Variants in PRKD1 observed in about 807,000 individuals in gnomAD.
PRKD1 encodes the protein serine/threonine-protein kinase D1.
A neutral mutation model predicts 95.9 loss-of-function variants in PRKD1; 63 were observed. That is an observed-to-expected ratio of 0.66 (90% CI 0.54 to 0.81). PRKD1 has a LOEUF of 0.81. Among genes scored for constraint, PRKD1 ranks in the 30% least tolerant of loss-of-function variants. PRKD1 has a pLI of 0.00. For synonymous variants in PRKD1, 425 were observed against 423.1 expected, an observed-to-expected ratio of 1.00 and a Z score of -0.05; for missense variants, 1,048 against 1,165.3, an observed-to-expected ratio of 0.90 and a Z score of 1.47.
chr14:29,748,440 G>C (rs1298230735), intron 1 of PRKD1, among the ~76,000 whole-genome samples: 1 of 152,162 alleles, frequency 6.6e-6, no homozygotes, highest in Non-Finnish European at 1.5e-5. Flanking sequence ...TTCCACGACT[G>C]AAACAACAGT....
intron 1 of PRKD1, among the ~76,000 whole-genome samples, chr14:29,784,484 G>A (rs1889182134): frequency 6.6e-6 from 1 of 152,154 alleles, no homozygotes; most frequent in African/African-American, 2.4e-5. Flanking sequence ...GCTTCATGTA[G>A]TATGGTCATT....
rs947957445 is a variant in PRKD1 at position 29,658,770 on chromosome 14, T to G, written c.696+4929A>C. Among the ~76,000 whole-genome samples, 5 of 152,324 alleles carry G rather than the reference T, an allele frequency of 3.3e-5. No homozygotes were observed. In the East Asian group the frequency reaches 9.6e-4, roughly 29 times the overall value. On this transcript the variant is annotated intron_variant, in intron 4 of 17. Transcript: ENST00000331968. ...CAATGTTTATTATGCAAATGAATAC[T>G]AGTATCCCAGAATGATGTGGCATAT...
At chr14:29,631,663 C>G (rs182189549) in intron 9 of PRKD1, among the ~76,000 whole-genome samples, 5 of 152,040 alleles carry the variant, frequency 3.3e-5, no homozygotes, top group East Asian at 1.9e-4. Flanking sequence ...CTACACCTGG[C>G]TAATTTTTGT....
intron 1 of PRKD1, among the ~76,000 whole-genome samples, chr14:29,834,887 T>A (rs1891551703): frequency 6.6e-6 from 1 of 152,170 alleles, no homozygotes; most frequent in South Asian, 2.1e-4. Flanking sequence ...GGAGCTAATA[T>A]TCTCATTTAC....
Position 29,685,270 on chromosome 14 carries a change from C to T in PRKD1, c.404-19062G>A, listed in dbSNP as rs368596060. Among the ~76,000 whole-genome samples the T allele has an allele frequency of 3.3e-4, 51 of 152,268 alleles. 1 individual carries two copies. In the South Asian group the frequency reaches 9.9e-3, roughly 30 times the overall value. ...GTATGTCTTTCCCCTGCATTGAGTGCTTGTTTTCAGCTTGATTAAGTATGC... is the reference window on the plus strand; with the variant it reads ...GTATGTCTTTCCCCTGCATTGAGTGTTTGTTTTCAGCTTGATTAAGTATGC... On this transcript the variant is annotated intron_variant, in intron 2 of 17. Transcript: ENST00000331968.
intron 2 of PRKD1, among the ~76,000 whole-genome samples, chr14:29,705,770 C>T (rs1043979782): frequency 6.6e-6 from 1 of 152,040 alleles, no homozygotes; most frequent in Admixed American, 6.6e-5. Flanking sequence ...TAATGTTTTG[C>T]AGGTTCATCC....
At chr14:29,607,498 G>T (rs965485180) in intron 13 of PRKD1, among the ~76,000 whole-genome samples, 2 of 152,190 alleles carry the variant, frequency 1.3e-5, no homozygotes, top group African/African-American at 2.4e-5. Flanking sequence ...GTTGTTGACA[G>T]AATCCAGTTA....
At chr14:29,895,536 T>G (rs1009177277) in intron 1 of PRKD1, among the ~76,000 whole-genome samples, 1 of 151,928 alleles carries the variant, frequency 6.6e-6, no homozygotes, top group Non-Finnish European at 1.5e-5. Flanking sequence ...GTTTCATCAC[T>G]CCTCTCAAAA....
At chr14:29,678,239 A>G (rs1883342829) in intron 2 of PRKD1, among the ~76,000 whole-genome samples, 1 of 152,160 alleles carries the variant, frequency 6.6e-6, no homozygotes, top group South Asian at 2.1e-4. Flanking sequence ...TATCCCTGGA[A>G]TTTATGTACA....
At chr14:29,879,408 G>A (rs1050835848) in intron 1 of PRKD1, among the ~76,000 whole-genome samples, 4 of 152,072 alleles carry the variant, frequency 2.6e-5, no homozygotes, top group East Asian at 1.9e-4. Flanking sequence ...CTTCTTCCTC[G>A]TTTTCTCTTG....
At chr14:29,770,769 C>A (rs1405118432) in intron 1 of PRKD1, among the ~76,000 whole-genome samples, 1 of 151,896 alleles carries the variant, frequency 6.6e-6, no homozygotes, top group Non-Finnish European at 1.5e-5. Flanking sequence ...GAGTTTAAGA[C>A]CACCCTGCAC....
intron 2 of PRKD1, among the ~76,000 whole-genome samples, chr14:29,675,844 C>T (rs947548648): frequency 1.3e-5 from 2 of 151,914 alleles, no homozygotes; most frequent in African/African-American, 4.8e-5. Context: ...ATGGATGAAG[C>T]TGGAAACCAT....
intron 13 of PRKD1, among the ~76,000 whole-genome samples, chr14:29,610,857 G>T (rs1225281766): frequency 1.3e-5 from 2 of 152,114 alleles, no homozygotes; most frequent in Non-Finnish European, 2.9e-5. Context: ...AAAAAACTTG[G>T]GGGAAACTTA....
intron 13 of PRKD1, among the ~76,000 whole-genome samples, chr14:29,600,650 T>C (rs1893483325): frequency 6.6e-6 from 1 of 152,152 alleles, no homozygotes; most frequent in South Asian, 2.1e-4. Flanking sequence ...TAAGTATGCG[T>C]GGATTTTGAT....
At position 29,867,437 on chromosome 14, in the gene PRKD1, A is replaced by T. The variant is rs1192504448; in HGVS notation, c.264+59812T>A. Among the ~76,000 whole-genome samples the T allele has an allele frequency of 3.9e-5, 6 of 152,218 alleles. No individual in the cohort carries two copies. The East Asian group carries it at 1.2e-3, about 29-fold the overall frequency. Reference sequence around the variant, plus strand: ...CAAAAGCTCACCGTGCAAAGGCTCAACTGAGAAAGATCCTGGCCTCATCTG... The same window carrying T: ...CAAAAGCTCACCGTGCAAAGGCTCATCTGAGAAAGATCCTGGCCTCATCTG... On this transcript the variant is annotated intron_variant, in intron 1 of 17. Transcript: ENST00000331968.
intron 1 of PRKD1, among the ~76,000 whole-genome samples, chr14:29,886,847 C>A (rs766443975): frequency 2.6e-5 from 4 of 152,208 alleles, no homozygotes; most frequent in Non-Finnish European, 5.9e-5. Context: ...TTATATTTAA[C>A]TTATCACAGC....
chr14:29,840,257 G>A (rs1271621565), intron 1 of PRKD1, among the ~76,000 whole-genome samples: 1 of 152,126 alleles, frequency 6.6e-6, no homozygotes, highest in Non-Finnish European at 1.5e-5. Context: ...CAAATCTCCA[G>A]GGCAGGGCAA....
At chr14:29,634,636 A>G in intron 7 of PRKD1, 95 bp from the exon 8 acceptor site, 1 of 1,496,652 alleles carries the variant, frequency 6.7e-7, no homozygotes, top group South Asian at 1.2e-5. Flanking sequence ...TCCAAGTGAA[A>G]CTTTACAAAA....
chr14:29,647,320 A>T (rs1881188556), intron 4 of PRKD1, among the ~76,000 whole-genome samples: 1 of 152,196 alleles, frequency 6.6e-6, no homozygotes, highest in African/African-American at 2.4e-5. Flanking sequence ...GGGTAAAGGA[A>T]CCGTGATATT....
Sources: gnomAD v4.1 joint callset for allele counts (sites outside exome capture counted in the v4.1 genomes callset) on GRCh38, gnomAD v4.1.1 for gene constraint, MANE v1.5 for transcripts, NCBI Gene and HGNC (gene_info 2026-07-23, HGNC 2026-07-21) for gene names.